Variants in RGMB observed in about 807,000 individuals in gnomAD.
The protein encoded by RGMB is repulsive guidance molecule BMP co-receptor b, also known as repulsive guidance molecule B.
RGMB carries 16 observed loss-of-function variants against 26.9 expected under a neutral mutation model. The observed-to-expected ratio is 0.60, with a 90% CI of 0.40 to 0.90. RGMB has a LOEUF of 0.90. Among genes scored for constraint, RGMB ranks in the 40% least tolerant of loss-of-function variants. The pLI, the probability that RGMB is intolerant of heterozygous loss-of-function variation, is 0.00. For missense variants in RGMB, 512 were observed against 573.3 expected (o/e 0.89, Z 1.09); for synonymous variants, 225 against 229.3 (o/e 0.98, Z 0.17).
chr5:98,785,763 A>T (rs1746751918), intron 2 of RGMB, among the ~76,000 whole-genome samples: 1 of 152,168 alleles, frequency 6.6e-6, no homozygotes, highest in Non-Finnish European at 1.5e-5. Flanking sequence ...ACCTCCCTGA[A>T]TTTTTTTATT....
rs768597175 is a variant in RGMB at position 98,793,650 on chromosome 5, G to A, written c.1211G>A (p.Arg404His). The part of the protein sequence containing the change: ...DVEALHPRKE[R>H]WHIFPSSGNG... ...GAGGCCCTGCACCCAAGGAAGGAAC[G>A]CTGGCACATTTTCCCCAGCAGTGGC... Residue 404 changes from arginine (R) to histidine (H), a missense_variant, in exon 3 of 3, where the codon CGC becomes CAC. Transcript: ENST00000513185. 23 of 1,614,052 alleles carry A rather than the reference G, an allele frequency of 1.4e-5. No individual in the cohort carries two copies. Among genetic ancestry groups the A allele is most frequent in the Middle Eastern group, 1.6e-4 (1 of 6,062 alleles).
At chr5:98,771,139 T>C (rs1746148848), upstream of RGMB, 1 of 154,134 alleles carries the variant, frequency 6.5e-6, no homozygotes, top group Non-Finnish European at 1.4e-5. Flanking sequence ...CGTAGTATGC[T>C]TTGCTGGATT....
At position 98,793,447 on chromosome 5, in the gene RGMB, C is replaced by A. The variant is rs901556727; in HGVS notation, c.1008C>A (p.Ser336Arg). The change falls in exon 3 of 3, where the codon AGC becomes AGA. Residue 336 changes from serine to arginine, a missense_variant. Coordinates refer to ENST00000513185, the MANE Select transcript of RGMB (RefSeq NM_001366508.1). ...QGQVSAILGH[S>R]LPRTSLVQAW... is the part of the protein sequence containing the mutation. Reference sequence around the variant, plus strand: ...AGGTGTCTGCCATCCTGGGACACAGCCTGCCTCGCACCTCCTTGGTGCAGG... The same window carrying A: ...AGGTGTCTGCCATCCTGGGACACAGACTGCCTCGCACCTCCTTGGTGCAGG... The A allele has an allele frequency of 1.2e-6, 2 of 1,612,286 alleles. No homozygotes were observed. The highest frequency in any genetic ancestry group is 2.7e-5 in the African/African-American group (2 of 74,908).
At chr5:98,781,744 C>T (rs1400732142) in intron 2 of RGMB, among the ~76,000 whole-genome samples, 1 of 152,178 alleles carries the variant, frequency 6.6e-6, no homozygotes, top group Non-Finnish European at 1.5e-5. Flanking sequence ...AAATTTTATT[C>T]TTCATGCCTT....
chr5:98,777,808 A>G (rs112185992), intron 1 of RGMB, among the ~76,000 whole-genome samples: 1,749 of 152,304 alleles, frequency 0.011, 14 homozygotes, highest in South Asian at 0.025. Flanking sequence ...CCACACAAAG[A>G]TGTTTTTGTA....
Position 98,794,948 on chromosome 5 carries a change from T to G in RGMB, c.*1195T>G, listed in dbSNP as rs1445029549. 6.6e-6 allele frequency: 1 copy of G among 152,262 alleles called. No homozygotes were observed. The highest frequency in any genetic ancestry group is 1.5e-5 in the Non-Finnish European group (1 of 68,060). The allele number at this position is 152,262 out of a possible 1,614,324, so 9.4% of individuals were successfully genotyped here. On this transcript the variant is annotated 3_prime_UTR_variant, in exon 3 of 3. Transcript: ENST00000513185. ...ACTCGGTGTGCGGCCACTTCGGCAC[T>G]GCTTAATCCAGATATTCTTGTTAAC...
At position 98,793,422 on chromosome 5, in the gene RGMB, A is replaced by G. The variant is rs771468394; in HGVS notation, c.983A>G (p.Gln328Arg). 6.2e-7 allele frequency: 1 copy of G among 1,612,292 alleles called. No homozygotes were observed. The highest frequency in any genetic ancestry group is 1.7e-5 in the Admixed American group (1 of 59,776). ...GAACGCATCGATGACGGGCAGGGCCAGGTGTCTGCCATCCTGGGACACAGC... is the reference window on the plus strand; with the variant it reads ...GAACGCATCGATGACGGGCAGGGCCGGGTGTCTGCCATCCTGGGACACAGC... ...LSERIDDGQG[Q>R]VSAILGHSLP... The change falls in exon 3 of 3, where the codon CAG becomes CGG. Residue 328 changes from glutamine (Q) to arginine (R), a missense_variant. Physicochemically the swap from Gln to Arg is conservative, Grantham distance 43 (BLOSUM62 1). Transcript: ENST00000513185.
At chr5:98,790,021 T>A (rs922246879) in intron 2 of RGMB, among the ~76,000 whole-genome samples, 1 of 152,242 alleles carries the variant, frequency 6.6e-6, no homozygotes, top group African/African-American at 2.4e-5. Flanking sequence ...AATGAATAAA[T>A]TTTGCTTTTC....
At chr5:98,778,909 GTTT>G (rs908889921) in intron 1 of RGMB, among the ~76,000 whole-genome samples, 1 of 145,152 alleles carries the variant, frequency 6.9e-6, no homozygotes, top group South Asian at 2.2e-4. Flanking sequence ...AGTGAATCTT[GTTT>G]TTTTTTTTCT....
At chr5:98,786,988 C>T (rs968848412) in intron 2 of RGMB, among the ~76,000 whole-genome samples, 2 of 152,198 alleles carry the variant, frequency 1.3e-5, no homozygotes, top group Non-Finnish European at 1.5e-5. Context: ...CCATCTAAAA[C>T]TCACTTCTCA....
In RGMB at chr5:98,793,343, T is replaced by A. The variant is rs773625371; in HGVS notation, c.904T>A (p.Ser302Thr). The change falls in exon 3 of 3, where the codon TCC becomes ACC. Residue 302 changes from serine (S) to threonine (T), a missense_variant. By Grantham distance (58) the Ser-to-Thr change is moderately conservative. Transcript: ENST00000513185. Reference sequence around the variant, plus strand: ...CCGTATGCCTGAAGACCTGGCCATGTCCTACGAGGAGAGCCAGGACCTGCA... The same window carrying A: ...CCGTATGCCTGAAGACCTGGCCATGACCTACGAGGAGAGCCAGGACCTGCA... ...AIRMPEDLAM[S>T]YEESQDLQLC... 1.2e-5 allele frequency: 19 copies of A among 1,613,744 alleles called. No homozygotes were observed. In the African/African-American group the frequency reaches 2.0e-4, roughly 17 times the overall value.
chr5:98,789,866 G>A (rs537739748), intron 2 of RGMB, among the ~76,000 whole-genome samples: 4 of 152,268 alleles, frequency 2.6e-5, no homozygotes, highest in East Asian at 3.9e-4. Context: ...CATAGCTAAC[G>A]TTTTTAAATT....
intron 2 of RGMB, among the ~76,000 whole-genome samples, chr5:98,782,482 A>T (rs1561441884): frequency 6.6e-6 from 1 of 152,036 alleles, no homozygotes; most frequent in Non-Finnish European, 1.5e-5. Flanking sequence ...CTTTTGAAAA[A>T]TTTTTTCATG....
chr5:98,773,355 G>C (rs1746238209), upstream of RGMB: 1 of 152,816 alleles, frequency 6.5e-6, no homozygotes, highest in Non-Finnish European at 1.5e-5. Context: ...CATTTCTGTT[G>C]GGCGCGAGGA....
intron 1 of RGMB, 31 bp from the exon 2 acceptor site, chr5:98,779,549 C>T: frequency 6.7e-7 from 1 of 1,494,742 alleles, no homozygotes; most frequent in Non-Finnish European, 8.9e-7. Context: ...GAAGAGTTTA[C>T]AAATGTTTGG....
chr5:98,787,890 G>C (rs935997609), intron 2 of RGMB, among the ~76,000 whole-genome samples: 1 of 152,202 alleles, frequency 6.6e-6, no homozygotes, highest in African/African-American at 2.4e-5. Context: ...TAGCCACTGA[G>C]CTTGATGCTG....
Position 98,793,336 on chromosome 5 carries a change from G to A in RGMB, c.897G>A (p.Leu299=). 1 of 1,613,856 alleles carries A rather than the reference G, an allele frequency of 6.2e-7. No homozygotes were observed. The highest frequency in any genetic ancestry group is 1.1e-5 in the South Asian group (1 of 91,036). The change falls in exon 3 of 3, where the codon CTG becomes CTA. Residue 299 remains leucine (L), a synonymous_variant. Coordinates refer to ENST00000513185, the MANE Select transcript of RGMB (RefSeq NM_001366508.1). ...LTLAIRMPED[L]AMSYEESQDL... is the part of the protein sequence containing the mutation. ...TTGCCATCCGTATGCCTGAAGACCT[G>A]GCCATGTCCTACGAGGAGAGCCAGG...
chr5:98,773,902 C>T lies in RGMB; in HGVS notation c.-169C>T. ...CCGCGGACTGGCTGCGCCGGCTGCGCGCTGCTTGCTGCGGCGGTGGTGGCG... is the reference window on the plus strand; with the variant it reads ...CCGCGGACTGGCTGCGCCGGCTGCGTGCTGCTTGCTGCGGCGGTGGTGGCG... On this transcript the variant is annotated 5_prime_UTR_variant, in exon 1 of 3. Coordinates refer to ENST00000513185, the MANE Select transcript of RGMB (RefSeq NM_001366508.1). 1 of 529,774 alleles carries T rather than the reference C, an allele frequency of 1.9e-6. No homozygotes were observed. Among genetic ancestry groups the T allele is most frequent in the Non-Finnish European group, 3.3e-6 (1 of 302,214 alleles). The allele number at this position is 529,774 out of a possible 1,614,324, so 32.8% of individuals were successfully genotyped here.
At chr5:98,770,518 GC>G, upstream of RGMB, 2 of 600,404 alleles carry the variant, frequency 3.3e-6, no homozygotes, top group Non-Finnish European at 5.1e-6. Context: ...CGGGTGATGA[GC>G]CCCCCGCAAG....
Sources: gnomAD v4.1 joint callset for allele counts (sites outside exome capture counted in the v4.1 genomes callset) on GRCh38, gnomAD v4.1.1 for gene constraint, MANE v1.5 for transcripts, NCBI Gene and HGNC (gene_info 2026-07-23, HGNC 2026-07-21) for gene names.